Variants in MCCC2 observed in about 807,000 individuals in gnomAD.
The protein encoded by MCCC2 is methylcrotonoyl-CoA carboxylase beta chain, mitochondrial.
In MCCC2, 52 loss-of-function variants were observed where a neutral mutation model predicts 77.2. The observed-to-expected ratio is 0.67, with a 90% CI of 0.54 to 0.85. The LOEUF is 0.85. Among genes scored for constraint, MCCC2 ranks in the 40% least tolerant of loss-of-function variants. MCCC2 has a pLI of 0.00. For synonymous variants in MCCC2, 253 were observed against 248.4 expected (o/e 1.02, Z -0.18); for missense variants, 682 against 703.2 (o/e 0.97, Z 0.34).
chr5:71,619,375 T>C (rs1318062127), intron 6 of MCCC2, among the ~76,000 whole-genome samples: 1 of 152,132 alleles, frequency 6.6e-6, no homozygotes, highest in East Asian at 1.9e-4. Context: ...TGCCTCAGCC[T>C]CCCAAGTGGT....
At chr5:71,620,713 T>A (rs1746322009) in intron 6 of MCCC2, among the ~76,000 whole-genome samples, 1 of 152,194 alleles carries the variant, frequency 6.6e-6, no homozygotes, top group South Asian at 2.1e-4. Flanking sequence ...TACCTCTGTT[T>A]TGTAGCATCT....
At chr5:71,627,899 A>C (rs576047798) in intron 7 of MCCC2, among the ~76,000 whole-genome samples, 93 of 151,834 alleles carry the variant, frequency 6.1e-4, no homozygotes, top group African/African-American at 2.2e-3. Context: ...GCTGGAGTGC[A>C]GTGGTGTGAT....
intron 10 of MCCC2, 67 bp from the exon 11 acceptor site, chr5:71,640,936 A>T: frequency 7.3e-7 from 1 of 1,368,970 alleles, no homozygotes; most frequent in Admixed American, 1.7e-5. Flanking sequence ...TTTTCCTATA[A>T]GTAACTTTAA....
At position 71,657,059 on chromosome 5, in the gene MCCC2, TTC is replaced by T. The variant is rs1747601564; in HGVS notation, c.*203_*204del. ...TCCTTTTAAATTTTCTTAGAGAAAT[TTC>T]TCTGTGGCTCAGTTTTACCACCCAT... On this transcript the variant is annotated 3_prime_UTR_variant, in exon 17 of 17. Coordinates refer to ENST00000340941, the MANE Select transcript of MCCC2 (RefSeq NM_022132.5). 5.8e-6 allele frequency: 3 copies of T among 520,934 alleles called. No homozygotes were observed. The Admixed American group carries it at 9.5e-5, about 16-fold the overall frequency. 32.3% of individuals were successfully genotyped at this position (520,934 alleles called of 1,614,324 possible). A position where few individuals can be genotyped will look rare whatever the true frequency, so the allele number is the denominator to read the frequency against.
At chr5:71,624,236 G>A (rs957735408) in intron 6 of MCCC2, among the ~76,000 whole-genome samples, 7 of 152,190 alleles carry the variant, frequency 4.6e-5, no homozygotes, top group African/African-American at 1.4e-4. Flanking sequence ...CTCTGCCTCC[G>A]CATACCATCA....
chr5:71,604,955 C>CCATGGTGTATATGTGTATATGTGA (rs1745610827), intron 6 of MCCC2, among the ~76,000 whole-genome samples: 1 of 143,292 alleles, frequency 7.0e-6, no homozygotes, highest in African/African-American at 2.6e-5. Context: ...TGTATATGTG[C>CCATGGTGTATATGTGTATATGTGA]CACATTTTCT....
chr5:71,653,738 C>T (rs1288431187), intron 16 of MCCC2, among the ~76,000 whole-genome samples: 1 of 151,686 alleles, frequency 6.6e-6, no homozygotes, highest in Non-Finnish European at 1.5e-5. Context: ...GTAGTCCCAG[C>T]TACTCAGAAG....
intron 7 of MCCC2, among the ~76,000 whole-genome samples, chr5:71,629,380 T>C (rs1213317315): frequency 6.6e-6 from 1 of 152,132 alleles, no homozygotes; most frequent in Non-Finnish European, 1.5e-5. Flanking sequence ...CTGGGAGTGA[T>C]GAAATTTTCT....
chr5:71,631,080 G>A (rs1746690691), intron 7 of MCCC2, among the ~76,000 whole-genome samples: 1 of 152,036 alleles, frequency 6.6e-6, no homozygotes, highest in Non-Finnish European at 1.5e-5. Context: ...TTAGGTTTAG[G>A]TAATCTTGGA....
intron 3 of MCCC2, 46 bp downstream of exon 3, chr5:71,596,410 A>G: frequency 6.8e-7 from 1 of 1,469,930 alleles, no homozygotes; most frequent in Non-Finnish European, 9.5e-7. Flanking sequence ...TCTGTTCCAT[A>G]GTACTTTATT....
chr5:71,634,922 T>C (rs1234866499), intron 8 of MCCC2, 21 bp from the exon 9 acceptor site: 5 of 1,607,548 alleles, frequency 3.1e-6, no homozygotes, highest in Non-Finnish European at 4.3e-6. Context: ...TTCTGACAAG[T>C]TTAGTTTGCT....
chr5:71,629,667 C>G (rs1746646277), intron 7 of MCCC2, among the ~76,000 whole-genome samples: 1 of 151,848 alleles, frequency 6.6e-6, no homozygotes, highest in Non-Finnish European at 1.5e-5. Flanking sequence ...TACTGAAGAT[C>G]AGGTAGGCCT....
chr5:71,626,205 ATATT>A (rs1746523399), intron 6 of MCCC2, among the ~76,000 whole-genome samples: 1 of 152,248 alleles, frequency 6.6e-6, no homozygotes, highest in Non-Finnish European at 1.5e-5. Flanking sequence ...GTAACACAAA[ATATT>A]AATAACATCC....
At chr5:71,596,989 G>A (rs971021055) in intron 3 of MCCC2, among the ~76,000 whole-genome samples, 2 of 152,070 alleles carry the variant, frequency 1.3e-5, no homozygotes, top group African/African-American at 2.4e-5. Context: ...AGTGACAAAT[G>A]TCATGAGAAA....
chr5:71,611,820 G>T (rs1163621524), intron 6 of MCCC2, among the ~76,000 whole-genome samples: 7 of 140,578 alleles, frequency 5.0e-5, no homozygotes, highest in Non-Finnish European at 1.1e-4. Flanking sequence ...ATGGAGTCTT[G>T]CTCTGTTGCC....
intron 1 of MCCC2, 100 bp downstream of exon 1, chr5:71,587,654 C>T (rs2112252456): frequency 1.4e-6 from 2 of 1,433,750 alleles, no homozygotes; most frequent in East Asian, 2.5e-5. Flanking sequence ...GTCCGGAGCC[C>T]CAGTTGATTC....
intron 8 of MCCC2, among the ~76,000 whole-genome samples, chr5:71,632,839 C>T (rs1746765702): frequency 6.6e-6 from 1 of 152,010 alleles, no homozygotes; most frequent in South Asian, 2.1e-4. Flanking sequence ...TTGGCCTGAC[C>T]ATGTTAGGTT....
chr5:71,610,319 T>C (rs572923433), intron 6 of MCCC2, among the ~76,000 whole-genome samples: 290 of 152,196 alleles, frequency 1.9e-3, no homozygotes, highest in Middle Eastern at 3.4e-3. Context: ...CGGGTGGGAG[T>C]GACCCGATTT....
rs377359619 is a variant in MCCC2 at position 71,643,792 on chromosome 5, T to C, written c.1073-27T>C. The C allele has an allele frequency of 2.5e-4, 406 of 1,613,962 alleles. 1 individual carries two copies. The highest frequency in any genetic ancestry group is 3.2e-4 in the Non-Finnish European group (377 of 1,179,986). On this transcript the variant is annotated intron_variant, in intron 11 of 16. Transcript: ENST00000340941. Reference sequence around the variant, plus strand: ...GAAGCCCTTGGAAAAGCACAAGACATAAATCTTCTTTGAACTTTCTTTTGA... The same window carrying C: ...GAAGCCCTTGGAAAAGCACAAGACACAAATCTTCTTTGAACTTTCTTTTGA...
Sources: gnomAD v4.1 joint callset for allele counts (sites outside exome capture counted in the v4.1 genomes callset) on GRCh38, gnomAD v4.1.1 for gene constraint, MANE v1.5 for transcripts, NCBI Gene and HGNC (gene_info 2026-07-23, HGNC 2026-07-21) for gene names.